Variants in SH3RF3 observed in about 807,000 individuals in gnomAD.
SH3RF3 encodes SH3 domain containing ring finger 3, also known as E3 ubiquitin-protein ligase SH3RF3.
In SH3RF3, 29 loss-of-function variants were observed where a neutral mutation model predicts 66.3. The observed-to-expected ratio is 0.44, with a 90% CI of 0.33 to 0.60. SH3RF3 has a LOEUF of 0.60. Among genes scored for constraint, SH3RF3 ranks in the 20% least tolerant of loss-of-function variants. The pLI is 0.04. For synonymous variants in SH3RF3, 583 were observed against 532.0 expected (o/e 1.10, Z -1.32); for missense variants, 1,194 against 1,190.9 (o/e 1.00, Z -0.04).
intron 2 of SH3RF3, among the ~76,000 whole-genome samples, chr2:109,349,313 C>T (rs1682789488): frequency 6.6e-6 from 1 of 152,240 alleles, no homozygotes; most frequent in African/African-American, 2.4e-5. Context: ...AGGGATTCAA[C>T]TCCTTCTCCC....
intron 3 of SH3RF3, among the ~76,000 whole-genome samples, chr2:109,376,610 AG>A (rs1683391223): frequency 1.3e-5 from 2 of 152,252 alleles, no homozygotes; most frequent in Non-Finnish European, 2.9e-5. Flanking sequence ...TCGGTTGTCC[AG>A]GTAGAGTAAT....
chr2:109,327,486 ATTTGTCAAGTAC>A (rs1022210041), intron 1 of SH3RF3, among the ~76,000 whole-genome samples: 9 of 148,606 alleles, frequency 6.1e-5, no homozygotes, highest in Non-Finnish European at 1.2e-4. Flanking sequence ...TTTTAAATCA[ATTTGTCAAGTAC>A]TTTGTCAAGT....
At chr2:109,330,340 C>G (rs1682255420) in intron 1 of SH3RF3, among the ~76,000 whole-genome samples, 1 of 152,186 alleles carries the variant, frequency 6.6e-6, no homozygotes, top group South Asian at 2.1e-4. Context: ...GTGCCTATCT[C>G]TCTCCGTCTC....
At chr2:109,445,783 T>C (rs1045614595) in intron 7 of SH3RF3, among the ~76,000 whole-genome samples, 1 of 151,956 alleles carries the variant, frequency 6.6e-6, no homozygotes, top group Non-Finnish European at 1.5e-5. Context: ...TTGTGGGAGT[T>C]CCATTTCATC....
intron 1 of SH3RF3, chr2:109,251,772 G>GT: frequency 1.9e-6 from 1 of 531,416 alleles, no homozygotes; most frequent in African/African-American, 1.9e-5. Flanking sequence ...TTTTGTAATA[G>GT]TCAAAAAAAG....
intron 1 of SH3RF3, among the ~76,000 whole-genome samples, chr2:109,268,200 T>C (rs1680542540): frequency 1.3e-5 from 2 of 151,994 alleles, no homozygotes; most frequent in Admixed American, 1.3e-4. Flanking sequence ...CAGGCTAGAA[T>C]AGGTTTATCT....
intron 1 of SH3RF3, among the ~76,000 whole-genome samples, chr2:109,345,183 T>C (rs1682656207): frequency 6.6e-6 from 1 of 152,286 alleles, no homozygotes; most frequent in African/African-American, 2.4e-5. Context: ...CACCCCAGCT[T>C]TACCTGCCAC....
intron 1 of SH3RF3, among the ~76,000 whole-genome samples, chr2:109,136,166 C>T (rs538893605): frequency 1.8e-4 from 28 of 152,130 alleles, no homozygotes; most frequent in African/African-American, 6.3e-4. Flanking sequence ...TGTGCATTTC[C>T]GTTTGATCTG....
chr2:109,470,290 C>T lies in SH3RF3; in HGVS notation c.2149-20315C>T, dbSNP rs145161602. Among the ~76,000 whole-genome samples the T allele has an allele frequency of 2.6e-5, 4 of 152,318 alleles. No homozygotes were observed. In the East Asian group the frequency reaches 7.7e-4, roughly 29 times the overall value. On this transcript the variant is annotated intron_variant, in intron 8 of 9. Coordinates refer to ENST00000309415, the MANE Select transcript of SH3RF3 (RefSeq NM_001099289.3). ...GGATGACCCACAGCACCCAGCAGCT[C>T]TAGCCACATGTGAAATCCATGCTTG...
chr2:109,237,638 G>C (rs1483374639), intron 1 of SH3RF3, among the ~76,000 whole-genome samples: 1 of 152,110 alleles, frequency 6.6e-6, no homozygotes, highest in Admixed American at 6.5e-5. Context: ...GCTATTGTTA[G>C]TGTTAGTATA....
intron 4 of SH3RF3, among the ~76,000 whole-genome samples, chr2:109,408,876 T>C (rs1026956923): frequency 2.0e-5 from 3 of 152,184 alleles, no homozygotes; most frequent in Non-Finnish European, 2.9e-5. Flanking sequence ...GTCCAGGGCC[T>C]TCCTACCATC....
At chr2:109,312,300 A>T (rs1372372376) in intron 1 of SH3RF3, among the ~76,000 whole-genome samples, 1 of 151,962 alleles carries the variant, frequency 6.6e-6, no homozygotes, top group Non-Finnish European at 1.5e-5. Flanking sequence ...TGAGCTTCCC[A>T]CTCGAGGTTG....
At chr2:109,234,941 A>C (rs1192277193) in intron 1 of SH3RF3, among the ~76,000 whole-genome samples, 1 of 152,218 alleles carries the variant, frequency 6.6e-6, no homozygotes, top group African/African-American at 2.4e-5. Flanking sequence ...TTGTTGTATG[A>C]GTGTCCTAAC....
At chr2:109,316,043 C>A (rs1196863050) in intron 1 of SH3RF3, among the ~76,000 whole-genome samples, 1 of 152,126 alleles carries the variant, frequency 6.6e-6, no homozygotes, top group Admixed American at 6.5e-5. Context: ...CAAAGATTCC[C>A]AGTATTTAGA....
chr2:109,280,098 T>C (rs755056584), intron 1 of SH3RF3, among the ~76,000 whole-genome samples: 3 of 152,132 alleles, frequency 2.0e-5, no homozygotes, highest in Non-Finnish European at 4.4e-5. Flanking sequence ...CAGAGTTCTT[T>C]TTTTCTGCAT....
intron 2 of SH3RF3, among the ~76,000 whole-genome samples, chr2:109,354,516 A>G (rs1682906127): frequency 1.3e-5 from 2 of 152,204 alleles, no homozygotes; most frequent in African/African-American, 4.8e-5. Flanking sequence ...GGAGAGGGAA[A>G]TCTTAGGCAC....
chr2:109,499,940 T>C (rs1679347433), intron 9 of SH3RF3, among the ~76,000 whole-genome samples: 2 of 151,730 alleles, frequency 1.3e-5, no homozygotes, highest in South Asian at 4.2e-4. Flanking sequence ...CAAGAGAGAA[T>C]GAGGGAGCAG....
intron 4 of SH3RF3, among the ~76,000 whole-genome samples, chr2:109,418,973 A>G (rs1676798434): frequency 6.6e-6 from 1 of 152,058 alleles, no homozygotes; most frequent in African/African-American, 2.4e-5. Context: ...CGCACCCCTG[A>G]TGCTGACCGT....
intron 1 of SH3RF3, among the ~76,000 whole-genome samples, chr2:109,146,369 A>G (rs1314891837): frequency 6.6e-6 from 1 of 152,146 alleles, no homozygotes; most frequent in Non-Finnish European, 1.5e-5. Flanking sequence ...GCAAAAGAAT[A>G]CTAGTGACTA....
Sources: allele counts gnomAD v4.1 joint callset (sites outside exome capture counted in the v4.1 genomes callset), GRCh38; gene constraint gnomAD v4.1.1; transcripts MANE v1.5; gene names NCBI Gene and HGNC (gene_info 2026-07-23, HGNC 2026-07-21).